Variants in RFT1 observed in about 807,000 individuals in gnomAD.
RFT1 encodes man(5)GlcNAc(2)-PP-dolichol translocation protein RFT1.
In RFT1, 43 loss-of-function variants were observed where a neutral mutation model predicts 62.2. The ratio of observed to expected loss-of-function variants is 0.69; its 90% CI spans 0.54 to 0.89. The LOEUF is 0.89. Among genes scored for constraint, RFT1 ranks in the 40% least tolerant of loss-of-function variants. The pLI is 0.00. For missense variants in RFT1, 605 were observed against 649.9 expected, an observed-to-expected ratio of 0.93 and a Z score of 0.75; for synonymous variants, 262 against 264.6, an observed-to-expected ratio of 0.99 and a Z score of 0.10.
At chr3:53,094,361 A>G (rs199791234) in intron 11 of RFT1, among the ~76,000 whole-genome samples, 23,898 of 67,154 alleles carry the variant, frequency 0.36, 2,686 homozygotes, top group East Asian at 0.47. Context: ...GCACACACAC[A>G]CACACACACA....
In RFT1 at chr3:53,111,910, TAGAAG is replaced by T. The variant is rs1354146170; in HGVS notation, c.697-7_697-3del. On this transcript the variant is annotated splice_region_variant and splice_polypyrimidine_tract_variant and intron_variant, in intron 6 of 12. Coordinates refer to ENST00000296292, the MANE Select transcript of RFT1 (RefSeq NM_052859.4). ...AGCCTCTTTCCAGTTTATAAACGCC[TAGAAG>T]AGAAAACAAAACAAAACAAAAACAT... 6.8e-6 allele frequency: 11 copies of T among 1,611,466 alleles called. No individual in the cohort carries two copies. The highest frequency in any genetic ancestry group is 6.7e-5 in the African/African-American group (5 of 74,890).
chr3:53,119,577 T>C (rs953886110), intron 6 of RFT1, among the ~76,000 whole-genome samples: 1 of 152,188 alleles, frequency 6.6e-6, no homozygotes, highest in African/African-American at 2.4e-5. Context: ...TTTGGCAACG[T>C]CTGGAGACAT....
At chr3:53,116,842 G>C (rs1701821974) in intron 6 of RFT1, among the ~76,000 whole-genome samples, 1 of 151,614 alleles carries the variant, frequency 6.6e-6, no homozygotes. Flanking sequence ...GACCTCAAGT[G>C]ATCTGCCCGC....
rs1474404507 is a variant in RFT1 at position 53,091,787 on chromosome 3, G to A, written c.*116C>T. ...GGCACTCTCTGGTGCCTCATCTCTG[G>A]GGTTGCTGTCACTCCGCTGCAGAGC... On this transcript the variant is annotated 3_prime_UTR_variant, in exon 13 of 13. Transcript: ENST00000296292. 1.8e-6 allele frequency: 2 copies of A among 1,092,372 alleles called. No homozygotes were observed. Among genetic ancestry groups the A allele is most frequent in the Non-Finnish European group, 2.8e-6 (2 of 721,526 alleles). The allele number at this position is 1,092,372 out of a possible 1,614,324, so 67.7% of individuals were successfully genotyped here.
chr3:53,079,229 G>A, the RFT1 span, among the ~76,000 whole-genome samples: 1 of 152,172 alleles, frequency 6.6e-6, no homozygotes, highest in Non-Finnish European at 1.5e-5. Context: ...CTCAGGTCAC[G>A]GCTCTTTGAC....
intron 5 of RFT1, 59 bp from the exon 6 acceptor site, chr3:53,120,080 G>T (rs1217787854): frequency 7.0e-7 from 1 of 1,429,372 alleles, no homozygotes; most frequent in Non-Finnish European, 9.5e-7. Flanking sequence ...CTATAAATTT[G>T]ATCTCAAAGG....
intron 6 of RFT1, among the ~76,000 whole-genome samples, chr3:53,114,417 T>C (rs1701737118): frequency 6.6e-6 from 1 of 152,174 alleles, no homozygotes; most frequent in African/African-American, 2.4e-5. Context: ...TACTTGATTT[T>C]CCTAATGCCT....
At chr3:53,079,615 TC>T in the RFT1 span, among the ~76,000 whole-genome samples, 1 of 152,170 alleles carries the variant, frequency 6.6e-6, no homozygotes, top group South Asian at 2.1e-4. Context: ...GCGCCTGTAA[TC>T]CCAGCTACTT....
chr3:53,122,616 A>G (rs1702003140), intron 3 of RFT1, 53 bp from the exon 4 acceptor site: 4 of 1,186,432 alleles, frequency 3.4e-6, no homozygotes, highest in Non-Finnish European at 4.6e-6. Flanking sequence ...ATATAAATAT[A>G]TATTAAAATA....
chr3:53,120,654 A>T (rs1701945090), intron 5 of RFT1, among the ~76,000 whole-genome samples: 1 of 152,174 alleles, frequency 6.6e-6, no homozygotes, highest in Non-Finnish European at 1.5e-5. Flanking sequence ...ATTGAGGAGG[A>T]AAGTCCAAAA....
the RFT1 span, among the ~76,000 whole-genome samples, chr3:53,082,288 C>A: frequency 1.5e-4 from 23 of 151,998 alleles, no homozygotes; most frequent in African/African-American, 4.3e-4. Flanking sequence ...ACCAGCCTGA[C>A]CACATGCAAA....
chr3:53,074,274 G>A, the RFT1 span, among the ~76,000 whole-genome samples: 1 of 152,148 alleles, frequency 6.6e-6, no homozygotes, highest in Non-Finnish European at 1.5e-5. Context: ...TCCCAACCTG[G>A]TCTCTTTCAT....
Position 53,106,808 on chromosome 3 carries a change from T to G in RFT1, c.826+11A>C. On this transcript the variant is annotated intron_variant, in intron 8 of 12. Transcript: ENST00000296292. ...CACCTTTAATTAAAACACTACAGAA[T>G]TTCATCTTACCCTGATCACCAAAGT... 3 of 1,599,058 alleles carry G rather than the reference T, an allele frequency of 1.9e-6. No homozygotes were observed. Among genetic ancestry groups the G allele is most frequent in the Non-Finnish European group, 2.6e-6 (3 of 1,166,498 alleles).
intron 1 of RFT1, among the ~76,000 whole-genome samples, chr3:53,128,425 T>C (rs1702171961): frequency 6.6e-6 from 1 of 152,250 alleles, no homozygotes; most frequent in African/African-American, 2.4e-5. Flanking sequence ...TTGCAGCTAA[T>C]GAAACTGAGG....
At chr3:53,099,132 C>A (rs547048864) in intron 11 of RFT1, among the ~76,000 whole-genome samples, 3 of 152,052 alleles carry the variant, frequency 2.0e-5, no homozygotes, top group Non-Finnish European at 4.4e-5. Flanking sequence ...CCTTTCAGAG[C>A]CGATGTTTCT....
At chr3:53,093,114 T>C (rs1235882053) in intron 11 of RFT1, among the ~76,000 whole-genome samples, 1 of 111,112 alleles carries the variant, frequency 9.0e-6, no homozygotes, top group Non-Finnish European at 2.2e-5. Context: ...TCAGCCGGAC[T>C]TCTGACCCCT....
chr3:53,099,879 C>T (rs185794409), intron 10 of RFT1, among the ~76,000 whole-genome samples: 7 of 152,120 alleles, frequency 4.6e-5, no homozygotes, highest in African/African-American at 1.7e-4. Flanking sequence ...CCCAGCTACT[C>T]GGGAGGTTGA....
intron 9 of RFT1, 86 bp from the exon 10 acceptor site, chr3:53,104,183 C>T (rs1398476500): frequency 7.1e-7 from 1 of 1,413,570 alleles, no homozygotes; most frequent in East Asian, 2.3e-5. Context: ...TCTCCCTTCA[C>T]TGTTTTACAG....
rs564427695 is a variant in RFT1, at chr3:53,092,019, C to A, written c.1510G>T (p.Val504Leu). Residue 504 changes from valine (V) to leucine (L), a missense_variant, in exon 13 of 13, where the codon GTG (valine) becomes TTG (leucine). Physicochemically the swap from Val to Leu is conservative, Grantham distance 32. Transcript: ENST00000296292. ...GWPARLAHIA[V>L]GAFCLGATLG... is the part of the protein sequence containing the mutation. ...GTTGCTCCCAGACAGAAGGCCCCCA[C>A]AGCAATGTGTGCCAGTCTGGCTGGC... is the stretch of plus-strand genomic sequence containing the variant. 6 of 1,614,158 alleles carry A rather than the reference C, an allele frequency of 3.7e-6. No homozygotes were observed. Among genetic ancestry groups the A allele is most frequent in the South Asian group, 3.3e-5 (3 of 91,092 alleles).
Sources: gnomAD v4.1 joint callset for allele counts (sites outside exome capture counted in the v4.1 genomes callset) on GRCh38, gnomAD v4.1.1 for gene constraint, MANE v1.5 for transcripts, NCBI Gene and HGNC (gene_info 2026-07-23, HGNC 2026-07-21) for gene names.